PSIP1: variants seen among roughly 807,000 people sequenced by gnomAD.
PSIP1 encodes PC4 and SRSF1 interacting protein 1, also known as PC4 and SFRS1-interacting protein.
In PSIP1, 19 loss-of-function variants were observed where a neutral mutation model predicts 74.7. The observed-to-expected ratio is 0.25, with a 90% CI of 0.18 to 0.37. PSIP1 has a LOEUF of 0.37. Ranked by LOEUF, PSIP1 falls within the 10% of genes least tolerant of loss-of-function variation. PSIP1 has a pLI of 1.00. For missense variants in PSIP1, 601 were observed against 614.3 expected (o/e 0.98, Z 0.23); for synonymous variants, 222 against 195.3 (o/e 1.14, Z -1.14).
At chr9:15,470,310 T>G (rs987001947) in intron 10 of PSIP1, among the ~76,000 whole-genome samples, 1 of 152,170 alleles carries the variant, frequency 6.6e-6, no homozygotes, top group Non-Finnish European at 1.5e-5. Context: ...TAATGGCTTC[T>G]ACATCCATTC....
At chr9:15,501,756 G>A (rs1035876728) in intron 3 of PSIP1, among the ~76,000 whole-genome samples, 2 of 150,674 alleles carry the variant, frequency 1.3e-5, no homozygotes, top group East Asian at 1.9e-4. Context: ...TTGTACCTCC[G>A]TATCCGTAAG....
At chr9:15,497,263 CT>C (rs2037119999) in intron 3 of PSIP1, among the ~76,000 whole-genome samples, 1 of 150,668 alleles carries the variant, frequency 6.6e-6, no homozygotes, top group Non-Finnish European at 1.5e-5. Context: ...ATGGATGAAT[CT>C]TGAAAAACAT....
chr9:15,468,519 CTTT>C, intron 14 of PSIP1, 108 bp downstream of exon 14: 1 of 1,236,686 alleles, frequency 8.1e-7, no homozygotes, highest in South Asian at 1.2e-5. Flanking sequence ...CCTTTGTATA[CTTT>C]TTCTGTGGCG....
At chr9:15,474,402 G>A (rs1313363347) in intron 8 of PSIP1, among the ~76,000 whole-genome samples, 165 bp from the exon 9 acceptor site, 1 of 152,062 alleles carries the variant, frequency 6.6e-6, no homozygotes, top group Non-Finnish European at 1.5e-5. Flanking sequence ...CATCCTTTTG[G>A]TATAAATTAG....
At position 15,510,318 on chromosome 9, in the gene PSIP1, C is replaced by A; in HGVS notation, c.-130G>T. 1 of 607,990 alleles carries A rather than the reference C, an allele frequency of 1.6e-6. No homozygotes were observed. The highest frequency in any genetic ancestry group is 3.3e-5 in the East Asian group (1 of 30,488). 37.7% of individuals were successfully genotyped at this position (607,990 alleles called of 1,614,324 possible). A position where few individuals can be genotyped will look rare whatever the true frequency, so the allele number is the denominator to read the frequency against. On this transcript the variant is annotated 5_prime_UTR_variant, in exon 2 of 16. Coordinates refer to ENST00000380733, the MANE Select transcript of PSIP1 (RefSeq NM_033222.5). ...GCGGGGGAGGATGCCTCGGGGCGTC[C>A]CGACGCGCCTGCTAGGGAGAGCACC...
intron 2 of PSIP1, among the ~76,000 whole-genome samples, chr9:15,509,346 C>G (rs1267967631): frequency 6.6e-6 from 1 of 152,164 alleles, no homozygotes; most frequent in Non-Finnish European, 1.5e-5. Context: ...AAAAAGAACC[C>G]TTTTTCTAAA....
At chr9:15,500,774 C>T (rs1302668783) in intron 3 of PSIP1, among the ~76,000 whole-genome samples, 1 of 152,092 alleles carries the variant, frequency 6.6e-6, no homozygotes, top group Non-Finnish European at 1.5e-5. Context: ...CAATTAAGAG[C>T]AGTAAGGAGG....
chr9:15,503,987 C>T (rs1219506720), intron 3 of PSIP1, among the ~76,000 whole-genome samples: 7 of 152,148 alleles, frequency 4.6e-5, no homozygotes, highest in South Asian at 2.1e-4. Context: ...CCTCGTCATC[C>T]GCCCGCTTCA....
In PSIP1 at chr9:15,466,827, G is replaced by C. The variant is rs1310685576; in HGVS notation, c.1453C>G (p.Gln485Glu). ...TTATGTTGTGGCTGATTACCATCTT[G>C]AGCATCAGATCCTCCATTTAGAGTC... ...SKTLNGGSDAQDGNQPQHNGE... is the reference protein window; with the variant it reads ...SKTLNGGSDAEDGNQPQHNGE... The change falls in exon 15 of 16, where the codon CAA becomes GAA. Residue 485 changes from glutamine (Q) to glutamate (E), a missense_variant. Transcript: ENST00000380733. 112 of 1,613,162 alleles carry C rather than the reference G, an allele frequency of 6.9e-5. No individual in the cohort carries two copies. The highest frequency in any genetic ancestry group is 9.2e-5 in the Non-Finnish European group (109 of 1,179,682).
At chr9:15,502,211 T>G (rs1414096845) in intron 3 of PSIP1, among the ~76,000 whole-genome samples, 1 of 152,200 alleles carries the variant, frequency 6.6e-6, no homozygotes, top group African/African-American at 2.4e-5. Context: ...TCTAGATCAC[T>G]TATAATACCT....
chr9:15,468,551 G>C (rs1439422046), intron 14 of PSIP1, 79 bp downstream of exon 14: 3 of 1,447,718 alleles, frequency 2.1e-6, no homozygotes, highest in Non-Finnish European at 2.9e-6. Context: ...GTGAAACTAT[G>C]TATGAAAGCC....
intron 3 of PSIP1, among the ~76,000 whole-genome samples, chr9:15,504,644 G>A (rs1025598840): frequency 2.0e-5 from 3 of 151,926 alleles, no homozygotes; most frequent in Admixed American, 1.3e-4. Context: ...GGCTGAGGCA[G>A]GAGAATGGCG....
chr9:15,473,768 G>A (rs1393065891), intron 9 of PSIP1, among the ~76,000 whole-genome samples: 2 of 151,918 alleles, frequency 1.3e-5, no homozygotes, highest in African/African-American at 2.4e-5. Context: ...GGTAGTGGTG[G>A]CACATGCCTG....
At chr9:15,485,520 T>C (rs1391717297) in intron 6 of PSIP1, among the ~76,000 whole-genome samples, 1 of 152,172 alleles carries the variant, frequency 6.6e-6, no homozygotes. Flanking sequence ...AAACTTCGTA[T>C]ATGGAAGGAA....
chr9:15,465,149 C>T lies in PSIP1; in HGVS notation c.*371G>A, dbSNP rs1381298659. ...GTTTGTAAAAACTATGCACAAAACC[C>T]ACAGTATTTGGGAAAAGAGGCAAGG... On this transcript the variant is annotated 3_prime_UTR_variant, in exon 16 of 16. Transcript: ENST00000380733. The T allele has an allele frequency of 8.4e-6, 2 of 236,848 alleles. No individual in the cohort carries two copies. The highest frequency in any genetic ancestry group is 1.7e-5 in the Non-Finnish European group (2 of 120,932). The allele number at this position is 236,848 out of a possible 1,614,324, so 14.7% of individuals were successfully genotyped here.
intron 3 of PSIP1, among the ~76,000 whole-genome samples, chr9:15,491,388 A>C (rs909924275): frequency 5.3e-5 from 8 of 152,220 alleles, no homozygotes; most frequent in African/African-American, 1.9e-4. Context: ...TCAGCTAAGA[A>C]TGTGTTGTAT....
chr9:15,473,915 C>CAAAAAAAAAACA (rs2035954408), intron 9 of PSIP1, 94 bp downstream of exon 9: 10 of 600,652 alleles, frequency 1.7e-5, no homozygotes, highest in Admixed American at 6.1e-5. Context: ...AAAAAAAAAA[C>CAAAAAAAAAACA]AAAAAAAAAA....
chr9:15,472,287 T>C, intron 10 of PSIP1: 1 of 1,009,088 alleles, frequency 9.9e-7, no homozygotes, highest in Non-Finnish European at 1.2e-6. Flanking sequence ...ATTCTTTGTC[T>C]ACCAGTATAT....
intron 10 of PSIP1, 78 bp from the exon 11 acceptor site, chr9:15,470,071 A>C: frequency 8.4e-7 from 1 of 1,196,302 alleles, no homozygotes; most frequent in Non-Finnish European, 1.2e-6. Flanking sequence ...GTAAAAGCTA[A>C]AAATGTTTTC....
Sources: gnomAD v4.1 joint callset for allele counts (sites outside exome capture counted in the v4.1 genomes callset) on GRCh38, gnomAD v4.1.1 for gene constraint, MANE v1.5 for transcripts, NCBI Gene and HGNC (gene_info 2026-07-23, HGNC 2026-07-21) for gene names.